The following RHBDD1 variants were observed in gnomAD, a reference collection of about 807,000 sequenced individuals.
The protein encoded by RHBDD1 is rhomboid domain containing 1.
In RHBDD1, 38 loss-of-function variants were observed where a neutral mutation model predicts 36.3. That is an observed-to-expected ratio of 1.05 (90% CI 0.81 to 1.37). The LOEUF (loss-of-function observed/expected upper bound fraction) is 1.37, where lower values mean the gene tolerates loss of function less well. Among genes scored for constraint, RHBDD1 ranks in the 40% most tolerant of loss-of-function variants. RHBDD1 has a pLI of 0.00. For missense variants in RHBDD1, 393 were observed against 377.6 expected, an observed-to-expected ratio of 1.04 and a Z score of -0.34; for synonymous variants, 151 against 136.5, an observed-to-expected ratio of 1.11 and a Z score of -0.74.
intron 6 of RHBDD1, 108 bp downstream of exon 6, chr2:226,906,989 C>G: frequency 9.1e-7 from 1 of 1,098,056 alleles, no homozygotes; most frequent in Non-Finnish European, 1.4e-6. Context: ...CAAGAATTCC[C>G]TAATATGCCT....
chr2:226,914,558 T>G, intron 8 of RHBDD1: 1 of 405,990 alleles, frequency 2.5e-6, no homozygotes, highest in Non-Finnish European at 4.3e-6. Context: ...AGACTGTGTA[T>G]GTATTGTTAA....
chr2:226,948,595 TAA>T (rs1951189977), intron 8 of RHBDD1, among the ~76,000 whole-genome samples: 2 of 52,716 alleles, frequency 3.8e-5, no homozygotes, highest in Non-Finnish European at 7.7e-5. Flanking sequence ...ACGAAAAAAA[TAA>T]AAATAAAAAA....
At chr2:226,883,972 A>G (rs1946002870) in intron 5 of RHBDD1, among the ~76,000 whole-genome samples, 1 of 152,216 alleles carries the variant, frequency 6.6e-6, no homozygotes, top group South Asian at 2.1e-4. Flanking sequence ...CGCTAAAGCA[A>G]TGTATTTCCC....
chr2:226,928,541 A>C (rs1226264957), intron 8 of RHBDD1, among the ~76,000 whole-genome samples: 1 of 152,142 alleles, frequency 6.6e-6, no homozygotes, highest in African/African-American at 2.4e-5. Flanking sequence ...AAATGCCTAC[A>C]TCAGAAAGTC....
At chr2:226,830,440 C>T in the RHBDD1 span, among the ~76,000 whole-genome samples, 34 of 152,332 alleles carry the variant, frequency 2.2e-4, no homozygotes, top group African/African-American at 7.7e-4. Context: ...GCAGCTCAAA[C>T]AGACTAAGAC....
At chr2:226,899,922 C>T (rs1947447258) in intron 5 of RHBDD1, among the ~76,000 whole-genome samples, 1 of 152,188 alleles carries the variant, frequency 6.6e-6, no homozygotes, top group South Asian at 2.1e-4. Flanking sequence ...CTTGAGTAAT[C>T]AGAATAAATG....
At chr2:226,879,027 A>G (rs909716471) in intron 5 of RHBDD1, among the ~76,000 whole-genome samples, 1 of 149,146 alleles carries the variant, frequency 6.7e-6, no homozygotes, top group Non-Finnish European at 1.5e-5. Context: ...GTTCTAACTC[A>G]TTAAAAGGAC....
In RHBDD1 at chr2:226,991,369, T is replaced by C. The variant is rs534873729; in HGVS notation, c.857-4062T>C. ...GCTAATTTTTGTATTTTTAGTAGAGTCGGGGTTTCACCACGTTGGCCCGGA... is the reference window on the plus strand; with the variant it reads ...GCTAATTTTTGTATTTTTAGTAGAGCCGGGGTTTCACCACGTTGGCCCGGA... On this transcript the variant is annotated intron_variant, in intron 8 of 8. Transcript: ENST00000392062. Among the ~76,000 whole-genome samples the C allele has an allele frequency of 9.0e-4, 137 of 152,000 alleles. 1 individual carries two copies. The highest frequency in any genetic ancestry group is 3.1e-3 in the African/African-American group (129 of 41,464).
At chr2:226,955,253 A>G (rs563929199) in intron 8 of RHBDD1, among the ~76,000 whole-genome samples, 1 of 152,204 alleles carries the variant, frequency 6.6e-6, no homozygotes, top group African/African-American at 2.4e-5. Context: ...CCCAAACCTC[A>G]GTCAAGGGAT....
chr2:226,866,795 G>T (rs368964225), intron 4 of RHBDD1, among the ~76,000 whole-genome samples: 1 of 152,098 alleles, frequency 6.6e-6, no homozygotes. Context: ...TATATGCCCT[G>T]TCTTCAACAT....
intron 8 of RHBDD1, among the ~76,000 whole-genome samples, chr2:226,932,165 A>G (rs560329266): frequency 2.6e-5 from 4 of 152,256 alleles, no homozygotes; most frequent in African/African-American, 4.8e-5. Context: ...TTAGCATACT[A>G]TATTACTTTG....
intron 8 of RHBDD1, among the ~76,000 whole-genome samples, chr2:226,947,626 C>T (rs1459504915): frequency 2.6e-5 from 4 of 151,934 alleles, no homozygotes; most frequent in African/African-American, 9.7e-5. Context: ...GTAGTTTTTT[C>T]CAATTCTGTG....
chr2:226,853,284 T>C (rs369295764), intron 3 of RHBDD1, among the ~76,000 whole-genome samples: 2 of 152,220 alleles, frequency 1.3e-5, no homozygotes, highest in East Asian at 3.8e-4. Context: ...TTAAAAAATA[T>C]TGGCCACGAA....
chr2:226,992,529 A>G (rs1958476310), intron 8 of RHBDD1, among the ~76,000 whole-genome samples: 1 of 152,216 alleles, frequency 6.6e-6, no homozygotes, highest in Non-Finnish European at 1.5e-5. Flanking sequence ...GTTATACCCA[A>G]GGTCTTCTTG....
At chr2:226,980,700 A>G (rs6704699) in intron 8 of RHBDD1, among the ~76,000 whole-genome samples, 9,377 of 152,202 alleles carry the variant, frequency 0.062, 893 homozygotes, top group African/African-American at 0.21. Flanking sequence ...ACATATTTAG[A>G]TACTTCCAAT....
intron 1 of RHBDD1, chr2:226,837,717 A>G (rs978903423): frequency 2.0e-5 from 3 of 152,186 alleles, no homozygotes; most frequent in Non-Finnish European, 4.4e-5. Flanking sequence ...TTGTATTTTT[A>G]GTAGAGACGG....
At chr2:226,919,425 C>A (rs1027704996) in intron 8 of RHBDD1, among the ~76,000 whole-genome samples, 1 of 152,004 alleles carries the variant, frequency 6.6e-6, no homozygotes, top group Non-Finnish European at 1.5e-5. Flanking sequence ...GATTCCCCAA[C>A]ATTTTCTTTT....
chr2:226,892,449 A>G (rs913013697), intron 5 of RHBDD1, among the ~76,000 whole-genome samples: 1 of 152,142 alleles, frequency 6.6e-6, no homozygotes, highest in African/African-American at 2.4e-5. Flanking sequence ...TACTTTCATC[A>G]TCTTTGGCCA....
chr2:226,911,043 G>A (rs1948481107), intron 7 of RHBDD1, among the ~76,000 whole-genome samples: 1 of 152,068 alleles, frequency 6.6e-6, no homozygotes, highest in East Asian at 1.9e-4. Context: ...TTTCATTGAA[G>A]AACTGCCAGA....
Sources: allele counts gnomAD v4.1 joint callset (sites outside exome capture counted in the v4.1 genomes callset), GRCh38; gene constraint gnomAD v4.1.1; transcripts MANE v1.5; gene names NCBI Gene and HGNC (gene_info 2026-07-23, HGNC 2026-07-21).